SHTN1: variants seen among roughly 807,000 people sequenced by gnomAD.
SHTN1 encodes shootin 1.
In SHTN1, 42 loss-of-function variants were observed where a neutral mutation model predicts 83.1. The ratio of observed to expected loss-of-function variants is 0.51; its 90% CI spans 0.39 to 0.65. SHTN1 has a LOEUF of 0.65. Ranked by LOEUF, SHTN1 falls within the 30% of genes least tolerant of loss-of-function variation. The pLI, the probability that SHTN1 is intolerant of heterozygous loss-of-function variation, is 0.00. For missense variants in SHTN1, 622 were observed against 737.8 expected (o/e 0.84, Z 1.82); for synonymous variants, 224 against 247.7 (o/e 0.90, Z 0.90).
At chr10:117,019,713 T>C (rs1852232392) in intron 2 of SHTN1, among the ~76,000 whole-genome samples, 1 of 151,208 alleles carries the variant, frequency 6.6e-6, no homozygotes, top group African/African-American at 2.4e-5. Flanking sequence ...ATGCCTGTAG[T>C]CCCAGCAACT....
In SHTN1 at chr10:117,119,020, T is replaced by C. The variant is rs72833464; in HGVS notation, c.-189+7287A>G. Among the ~76,000 whole-genome samples, 1,292 of 152,314 alleles carry C rather than the reference T, an allele frequency of 8.5e-3. 14 individuals are homozygous for C. Among genetic ancestry groups the C allele is most frequent in the Admixed American group, 0.016 (239 of 15,302 alleles). ...AACCATAAAAAAGAATTAAATCCTG[T>C]CATTTGCAGCACCATGGGTGGAATT... On this transcript the variant is annotated intron_variant, in intron 1 of 17. Coordinates refer to the SHTN1 transcript ENST00000392901.
At chr10:117,105,356 G>T (rs1313324178) in intron 1 of SHTN1, among the ~76,000 whole-genome samples, 1 of 152,126 alleles carries the variant, frequency 6.6e-6, no homozygotes. Context: ...GGTATGCTTT[G>T]TAGTATAAAA....
upstream of SHTN1, chr10:117,005,380 G>T (rs893788482): frequency 2.2e-5 from 26 of 1,207,606 alleles, no homozygotes; most frequent in South Asian, 2.7e-4. Context: ...CTGCCGGCGC[G>T]GCAGGACGCG....
chr10:117,043,194 C>T (rs1589908678), intron 2 of SHTN1, among the ~76,000 whole-genome samples: 1 of 151,610 alleles, frequency 6.6e-6, no homozygotes, highest in East Asian at 2.0e-4. Context: ...AGTGCAGTGG[C>T]ACAATCTCAG....
rs145164767 is a variant in SHTN1 at position 116,894,258 on chromosome 10, T to C, written c.1673+7507A>G. 3.3e-5 allele frequency among the ~76,000 whole-genome samples: 5 copies of C among 152,302 alleles called. No homozygotes were observed. In the East Asian group the frequency reaches 9.6e-4, roughly 29 times the overall value. On this transcript the variant is annotated intron_variant, in intron 16 of 16. Transcript: ENST00000355371. ...CATGTATTTAGAGATACCACAGACATAGAAATTAAATGCAAATTAAAATAA... is the reference window on the plus strand; with the variant it reads ...CATGTATTTAGAGATACCACAGACACAGAAATTAAATGCAAATTAAAATAA...
At chr10:116,909,847 T>G (rs1320346674) in intron 14 of SHTN1, among the ~76,000 whole-genome samples, 1 of 152,218 alleles carries the variant, frequency 6.6e-6, no homozygotes, top group African/African-American at 2.4e-5. Context: ...TTTCTGGTTC[T>G]GTTCCACAAT....
At chr10:117,078,013 T>C (rs1453216351) in intron 1 of SHTN1, among the ~76,000 whole-genome samples, 1 of 152,214 alleles carries the variant, frequency 6.6e-6, no homozygotes, top group African/African-American at 2.4e-5. Context: ...GCACAAACAA[T>C]AGCCAGCACT....
chr10:117,126,054 C>G (rs766030297), intron 1 of SHTN1, among the ~76,000 whole-genome samples: 10 of 152,196 alleles, frequency 6.6e-5, no homozygotes, highest in Non-Finnish European at 1.2e-4. Context: ...GTGCAAGAAG[C>G]CGGGGGTCAA....
At chr10:117,027,080 G>T (rs572804921) in intron 2 of SHTN1, among the ~76,000 whole-genome samples, 1 of 152,330 alleles carries the variant, frequency 6.6e-6, no homozygotes, top group Admixed American at 6.5e-5. Flanking sequence ...GAAAACAAGA[G>T]TTTCTGCCTG....
intron 9 of SHTN1, among the ~76,000 whole-genome samples, chr10:116,940,000 A>G (rs1164136800): frequency 6.6e-6 from 1 of 152,230 alleles, no homozygotes. Context: ...CATTTGTGCA[A>G]GTTTACAAAA....
intron 2 of SHTN1, 139 bp downstream of exon 2, chr10:116,979,117 T>G: frequency 1.4e-6 from 1 of 697,550 alleles, no homozygotes; most frequent in South Asian, 1.8e-5. Flanking sequence ...GAACCACACA[T>G]GCAAGAGAAA....
At chr10:116,912,920 AGAG>A (rs1211562221) in intron 13 of SHTN1, among the ~76,000 whole-genome samples, 1 of 152,142 alleles carries the variant, frequency 6.6e-6, no homozygotes. Context: ...AAAACAGAGA[AGAG>A]AGAGGTTTGC....
intron 5 of SHTN1, 104 bp from the exon 6 acceptor site, chr10:116,952,110 T>C (rs951308462): frequency 1.4e-5 from 7 of 486,522 alleles, no homozygotes; most frequent in African/African-American, 1.4e-4. Flanking sequence ...CAGCTTATGG[T>C]CAAGATTATT....
chr10:116,910,654 G>C (rs1419831), intron 14 of SHTN1, among the ~76,000 whole-genome samples: 2,521 of 152,284 alleles, frequency 0.017, 39 homozygotes, highest in Middle Eastern at 0.031. Flanking sequence ...CTGTGCCCCA[G>C]AGGACATCTT....
In SHTN1 at chr10:116,911,706, C is replaced by T; in HGVS notation, c.1359+84G>A. 5 of 1,577,826 alleles carry T rather than the reference C, an allele frequency of 3.2e-6. No individual in the cohort carries two copies. In the South Asian group the frequency reaches 3.4e-5, roughly 11 times the overall value. On this transcript the variant is annotated intron_variant, in intron 14 of 16. Coordinates refer to ENST00000355371, the MANE Select transcript of SHTN1 (RefSeq NM_001127211.3). The stretch of plus-strand genomic sequence containing the variant: ...TTGTAAATGGGAATAAAACACACCA[C>T]AAACAATTCACAAAAAACAGATTTT...
intron 9 of SHTN1, among the ~76,000 whole-genome samples, chr10:116,938,671 T>G (rs1292852758): frequency 1.3e-5 from 2 of 152,220 alleles, no homozygotes; most frequent in Non-Finnish European, 2.9e-5. Context: ...AGGCAGTCTG[T>G]CCCTTAGCAG....
At position 116,915,483 on chromosome 10, in the gene SHTN1, A is replaced by C; in HGVS notation, c.1197T>G (p.Thr399=). The C allele has an allele frequency of 1.3e-6, 2 of 1,547,282 alleles. No individual in the cohort carries two copies. The highest frequency in any genetic ancestry group is 1.8e-6 in the Non-Finnish European group (2 of 1,119,876). Reference sequence around the variant, plus strand: ...GCCTCTTTAGATCTGTGACTTCTTCAGCTGTTCAAAGAACACAGACATAAA... The same window carrying C: ...GCCTCTTTAGATCTGTGACTTCTTCCGCTGTTCAAAGAACACAGACATAAA... ...KKEKATQPET[T]EEVTDLKRQA... is the part of the protein sequence containing the mutation. The change falls in exon 13 of 17, where the codon ACT becomes ACG. Residue 399 remains threonine, a splice_region_variant and synonymous_variant. Transcript: ENST00000355371.
intron 1 of SHTN1, among the ~76,000 whole-genome samples, chr10:117,105,961 C>T (rs744937): frequency 0.2 from 30,214 of 151,592 alleles, 3,313 homozygotes; most frequent in East Asian, 0.43. Context: ...CTGAGGTGAA[C>T]CATGTTCACG....
At chr10:117,099,511 C>A (rs1853558184) in intron 1 of SHTN1, among the ~76,000 whole-genome samples, 1 of 152,184 alleles carries the variant, frequency 6.6e-6, no homozygotes, top group Admixed American at 6.5e-5. Context: ...CAGAACTTAA[C>A]TTTCCCAAGT....
Sources: allele counts gnomAD v4.1 joint callset (sites outside exome capture counted in the v4.1 genomes callset), GRCh38; gene constraint gnomAD v4.1.1; transcripts MANE v1.5; gene names NCBI Gene and HGNC (gene_info 2026-07-23, HGNC 2026-07-21).